IL31RA: variants seen among roughly 807,000 people sequenced by gnomAD.
The protein encoded by IL31RA is interleukin-31 receptor subunit alpha.
IL31RA carries 66 observed loss-of-function variants against 83.7 expected under a neutral mutation model. The ratio of observed to expected loss-of-function variants is 0.79; its 90% CI spans 0.65 to 0.97. The LOEUF (loss-of-function observed/expected upper bound fraction) is 0.97. Ranked by LOEUF, IL31RA falls within the 50% of genes least tolerant of loss-of-function variation. IL31RA has a pLI of 0.00. For synonymous variants in IL31RA, 325 were observed against 329.0 expected, an observed-to-expected ratio of 0.99 and a Z score of 0.13; for missense variants, 798 against 919.4, an observed-to-expected ratio of 0.87 and a Z score of 1.71.
chr5:55,846,129 A>G, the IL31RA span, among the ~76,000 whole-genome samples: 1 of 152,190 alleles, frequency 6.6e-6, no homozygotes, highest in African/African-American at 2.4e-5. Flanking sequence ...TTCTCTGTAT[A>G]TCCACCTGTC....
chr5:55,893,809 A>AT (rs66540216), intron 6 of IL31RA, among the ~76,000 whole-genome samples: 9,734 of 125,964 alleles, frequency 0.077, 592 homozygotes, highest in African/African-American at 0.18. Context: ...CTATGAGATA[A>AT]TTTTTTTTTT....
intron 2 of IL31RA, among the ~76,000 whole-genome samples, chr5:55,863,844 C>A (rs1003064367): frequency 2.0e-5 from 3 of 152,174 alleles, no homozygotes; most frequent in Admixed American, 6.5e-5. Context: ...ATTTAACTCT[C>A]TTTTTAGCTT....
rs1005482863 is a variant in IL31RA, at chr5:55,869,473, T to TA, written c.272+574dup. Among the ~76,000 whole-genome samples, 364 of 151,658 alleles carry TA rather than the reference T, an allele frequency of 2.4e-3. 1 individual carries two copies. Among genetic ancestry groups the TA allele is most frequent in the African/African-American group, 7.8e-3 (324 of 41,362 alleles). On this transcript the variant is annotated intron_variant, in intron 3 of 14. Transcript: ENST00000652347. ...ATGTTTTAAGTAAATATTTGCAGGT[T>TA]AAAAAAAAACTTTTTTTTGAGACAG...
At chr5:55,886,815 G>T (rs1747646762) in intron 5 of IL31RA, among the ~76,000 whole-genome samples, 1 of 152,036 alleles carries the variant, frequency 6.6e-6, no homozygotes, top group Admixed American at 6.5e-5. Context: ...GCCTTTCCTA[G>T]AACACCCTCT....
Position 55,903,318 on chromosome 5 carries a change from C to G in IL31RA, c.1070-2788C>G, listed in dbSNP as rs962521678. Among the ~76,000 whole-genome samples, 1 of 152,232 alleles carries G rather than the reference C, an allele frequency of 6.6e-6. No individual in the cohort carries two copies. Among genetic ancestry groups the G allele is most frequent in the Non-Finnish European group, 1.5e-5 (1 of 68,018 alleles). On this transcript the variant is annotated intron_variant, in intron 8 of 14. Coordinates refer to ENST00000652347, the MANE Select transcript of IL31RA (RefSeq NM_139017.7). This position sits in a 1 kb window ranked among gnomAD's most constrained non-coding sequence, Gnocchi z 4.7. ...CACGTGAGCCCCGGGTGACTGTCTT[C>G]ATGCAGATCACAAGAAATCAATGGC...
Position 55,908,337 on chromosome 5 carries a change from T to C in IL31RA, c.1427T>C (p.Ile476Thr), listed in dbSNP as rs753238924. ...VKTVTITWKE[I>T]PKSERKGIIC... ...ACGGTCACGATCACATGGAAAGAGA[T>C]TCCCAAGAGTGAGAGAAAGGGTATC... Residue 476 changes from isoleucine to threonine, a missense_variant, in exon 11 of 15, where the codon ATT becomes ACT. Physicochemically the swap from Ile to Thr is moderately conservative, Grantham distance 89 (BLOSUM62 -1). Coordinates refer to ENST00000652347, the MANE Select transcript of IL31RA (RefSeq NM_139017.7). 2 of 1,614,182 alleles carry C rather than the reference T, an allele frequency of 1.2e-6. No homozygotes were observed. The highest frequency in any genetic ancestry group is 2.2e-5 in the South Asian group (2 of 91,080).
At chr5:55,853,273 C>G (rs1745161744) in intron 1 of IL31RA, 4 of 1,176,846 alleles carry the variant, frequency 3.4e-6, no homozygotes, top group African/African-American at 1.6e-5. Context: ...TTCAGATGAT[C>G]CTTTTTTTTT....
Position 55,916,968 on chromosome 5 carries a change from G to T in IL31RA, c.2143G>T (p.Ala715Ser). 1 of 1,613,994 alleles carries T rather than the reference G, an allele frequency of 6.2e-7. No individual in the cohort carries two copies. Among genetic ancestry groups the T allele is most frequent in the East Asian group, 2.2e-5 (1 of 44,880 alleles). Residue 715 changes from alanine (A) to serine (S), a missense_variant, in exon 15 of 15, where the codon GCC becomes TCC. By Grantham distance (99) the Ala-to-Ser change is moderately conservative. Coordinates refer to ENST00000652347, the MANE Select transcript of IL31RA (RefSeq NM_139017.7). Reference sequence around the variant, plus strand: ...GATGCCAGAGGGGACCCGCCCAGAAGCCAAAGAGCAGCTTCTCTTTTCTGG... The same window carrying T: ...GATGCCAGAGGGGACCCGCCCAGAATCCAAAGAGCAGCTTCTCTTTTCTGG... The part of the protein sequence containing the change: ...SRMPEGTRPE[A>S]KEQLLFSGQS...
At position 55,879,425 on chromosome 5, in the gene IL31RA, C is replaced by CTTTTTTTT. The variant is rs869152529; in HGVS notation, c.455-3601_455-3594dup. Reference sequence around the variant, plus strand: ...AAGTTTAGTTCAGCCAGTTTCTGTCCTTTTTTTTTTTTTTTTTTTTTTTTT... The same window carrying CTTTTTTTT: ...AAGTTTAGTTCAGCCAGTTTCTGTCCTTTTTTTTTTTTTTTTTTTTTTTTTTTTTTTTT... On this transcript the variant is annotated intron_variant, in intron 4 of 14. Coordinates refer to ENST00000652347, the MANE Select transcript of IL31RA (RefSeq NM_139017.7). Among the ~76,000 whole-genome samples, 52 of 45,798 alleles carry CTTTTTTTT rather than the reference C, an allele frequency of 1.1e-3. 8 individuals are homozygous for CTTTTTTTT. Among genetic ancestry groups the CTTTTTTTT allele is most frequent in the East Asian group, 1.8e-3 (2 of 1,102 alleles). The allele number at this position is 45,798 out of a possible 152,430, so 30.0% of individuals were successfully genotyped here. A position where few individuals can be genotyped will look rare whatever the true frequency, so the allele number is the denominator to read the frequency against.
rs16884641 is a variant in IL31RA at position 55,916,618 on chromosome 5, T to G, written c.1819-26T>G. 0.26 allele frequency: 411,108 copies of G among 1,602,264 alleles called. 56,177 individuals carry two copies. Among genetic ancestry groups the G allele is most frequent in the East Asian group, 0.45 (19,961 of 44,766 alleles). ...TCATATGTGACTCCTAAATGACCAC[T>G]TGGGATGTCCCTTTTTCTTTTCCAG... On this transcript the variant is annotated intron_variant, in intron 14 of 14. Transcript: ENST00000652347.
At chr5:55,909,386 T>C (rs763081098) in intron 11 of IL31RA, among the ~76,000 whole-genome samples, 1 of 152,226 alleles carries the variant, frequency 6.6e-6, no homozygotes, top group Non-Finnish European at 1.5e-5. Flanking sequence ...TGTACAAATA[T>C]GTGTTTGAGT....
chr5:55,865,279 A>G (rs555873068), intron 2 of IL31RA, among the ~76,000 whole-genome samples: 40 of 152,332 alleles, frequency 2.6e-4, no homozygotes, highest in African/African-American at 9.4e-4. Context: ...TCAGCATGCA[A>G]GTAGCAAAGA....
the IL31RA span, among the ~76,000 whole-genome samples, chr5:55,845,629 C>A: frequency 6.6e-6 from 1 of 152,254 alleles, no homozygotes; most frequent in Non-Finnish European, 1.5e-5. Flanking sequence ...GGCATTTCTC[C>A]TACTTGCACC....
chr5:55,870,926 G>A (rs1458608559), intron 3 of IL31RA, among the ~76,000 whole-genome samples: 7 of 152,202 alleles, frequency 4.6e-5, no homozygotes, highest in Non-Finnish European at 1.0e-4. Context: ...GTGTGGAAAA[G>A]GAGAGAAAGT....
At chr5:55,886,361 C>G (rs975596722) in intron 5 of IL31RA, among the ~76,000 whole-genome samples, 6 of 150,434 alleles carry the variant, frequency 4.0e-5, no homozygotes, top group Non-Finnish European at 7.4e-5. Context: ...GCAACCTCCA[C>G]CTCCGGGGTT....
intron 10 of IL31RA, among the ~76,000 whole-genome samples, chr5:55,907,859 A>T (rs1325518547): frequency 6.6e-6 from 1 of 152,234 alleles, no homozygotes; most frequent in Non-Finnish European, 1.5e-5. Context: ...TTTACTGGTG[A>T]ATTGCTCAAG....
intron 13 of IL31RA, 53 bp downstream of exon 13, chr5:55,913,623 T>G (rs1311733782): frequency 1.7e-6 from 2 of 1,149,986 alleles, no homozygotes; most frequent in African/African-American, 1.5e-5. Flanking sequence ...AAAAAGGGGT[T>G]GAAGTCATCA....
At position 55,914,920 on chromosome 5, in the gene IL31RA, G is replaced by A. The variant is rs747829424; in HGVS notation, c.1810G>A (p.Asp604Asn). Reference protein sequence around the residue: ...ESSIATWHGDDFKDKLNLKES... With the variant: ...ESSIATWHGDNFKDKLNLKES... ...TAGTATAGCCACATGGCATGGAGAT[G>A]ATTTCAAGGTAAACTCTCCTGTTTT... Residue 604 changes from aspartate to asparagine, a missense_variant, in exon 14 of 15, where the codon GAT becomes AAT. Asp to Asn is a conservative substitution (Grantham distance 23, BLOSUM62 1). Transcript: ENST00000652347. 3.1e-6 allele frequency: 5 copies of A among 1,610,754 alleles called. No homozygotes were observed. The African/African-American group carries it at 6.7e-5, about 22-fold the overall frequency.
chr5:55,853,559 T>C lies in IL31RA; in HGVS notation c.63+1926T>C, dbSNP rs1050106148. The C allele has an allele frequency of 4.5e-6, 7 of 1,550,928 alleles. No homozygotes were observed. In the African/African-American group the frequency reaches 8.2e-5, roughly 18 times the overall value. ...AGAACATCTGTGGAACATCCCCTGA[T>C]ACATGAAGGTGAGTGCTAATTCATT... On this transcript the variant is annotated intron_variant, in intron 1 of 14. Coordinates refer to ENST00000652347, the MANE Select transcript of IL31RA (RefSeq NM_139017.7).
Sources: allele counts gnomAD v4.1 joint callset (sites outside exome capture counted in the v4.1 genomes callset), GRCh38; gene constraint gnomAD v4.1.1; non-coding constraint Gnocchi (gnomAD v3.1); transcripts MANE v1.5; gene names NCBI Gene and HGNC (gene_info 2026-07-23, HGNC 2026-07-21).